The following CHN2 variants were observed in gnomAD, a reference collection of about 807,000 sequenced individuals.
CHN2 encodes beta-chimaerin.
CHN2 carries 35 observed loss-of-function variants against 56.3 expected under a neutral mutation model. The observed-to-expected ratio is 0.62, with a 90% CI of 0.47 to 0.82. The LOEUF (loss-of-function observed/expected upper bound fraction) is 0.82, where lower values mean the gene tolerates loss of function less well. CHN2 is among the 40% of genes least tolerant of loss of function. CHN2 has a pLI of 0.00. For synonymous variants in CHN2, 210 were observed against 212.8 expected (o/e 0.99, Z 0.12); for missense variants, 491 against 580.5 (o/e 0.85, Z 1.58).
At chr7:29,237,395 C>T (rs924831041) in intron 1 of CHN2, among the ~76,000 whole-genome samples, 3 of 152,106 alleles carry the variant, frequency 2.0e-5, no homozygotes, top group East Asian at 3.9e-4. Context: ...TGCTTCAAAC[C>T]GCATATTTTT....
chr7:29,508,434 A>G (rs1395073012), intron 11 of CHN2, among the ~76,000 whole-genome samples: 6 of 143,840 alleles, frequency 4.2e-5, no homozygotes, highest in Non-Finnish European at 9.2e-5. Context: ...AAAAAAAAAA[A>G]CCTTTAAAGG....
chr7:29,433,159 G>C (rs1163743777), intron 6 of CHN2, among the ~76,000 whole-genome samples: 1 of 152,124 alleles, frequency 6.6e-6, no homozygotes, highest in Non-Finnish European at 1.5e-5. Flanking sequence ...TACATGCCGT[G>C]GGGGGAGATT....
chr7:29,357,448 C>T (rs1489324353), intron 2 of CHN2, among the ~76,000 whole-genome samples: 1 of 152,218 alleles, frequency 6.6e-6, no homozygotes, highest in Non-Finnish European at 1.5e-5. Flanking sequence ...TATGAATTAT[C>T]GAGCTCATGC....
At chr7:29,485,794 C>T (rs537654976) in intron 7 of CHN2, among the ~76,000 whole-genome samples, 1 of 152,194 alleles carries the variant, frequency 6.6e-6, no homozygotes, top group East Asian at 1.9e-4. Flanking sequence ...CTGGAGCCAT[C>T]AGAGTCTCCT....
intron 4 of CHN2, among the ~76,000 whole-genome samples, chr7:29,394,955 C>A (rs1359615009): frequency 6.6e-6 from 1 of 152,130 alleles, no homozygotes. Flanking sequence ...AAAGGAACAT[C>A]TTTTATTAGA....
intron 1 of CHN2, among the ~76,000 whole-genome samples, chr7:29,352,859 A>C (rs1482164907): frequency 6.6e-6 from 1 of 152,214 alleles, no homozygotes; most frequent in African/African-American, 2.4e-5. Context: ...ATTTTATTTG[A>C]ATGCTCTTTA....
intron 1 of CHN2, among the ~76,000 whole-genome samples, chr7:29,195,938 C>G (rs1446415297): frequency 6.6e-6 from 1 of 152,092 alleles, no homozygotes; most frequent in Non-Finnish European, 1.5e-5. Flanking sequence ...TCATTGAAAA[C>G]TTTAATGACA....
chr7:29,417,757 A>G (rs1010775192), intron 6 of CHN2, among the ~76,000 whole-genome samples: 1 of 152,214 alleles, frequency 6.6e-6, no homozygotes, highest in African/African-American at 2.4e-5. Context: ...AGGAGTGGAT[A>G]CTAAGCTTGC....
At chr7:29,454,519 C>T (rs2128132994) in intron 6 of CHN2, among the ~76,000 whole-genome samples, 1 of 152,226 alleles carries the variant, frequency 6.6e-6, no homozygotes, top group East Asian at 1.9e-4. Context: ...TCATGAGTGT[C>T]CCAGTGAGGA....
At chr7:29,325,028 C>G (rs1464563251) in intron 1 of CHN2, among the ~76,000 whole-genome samples, 1 of 152,176 alleles carries the variant, frequency 6.6e-6, no homozygotes, top group African/African-American at 2.4e-5. Context: ...TTTCTCTGGT[C>G]TCTCAGGTTT....
At chr7:29,371,452 A>G (rs553839972) in intron 3 of CHN2, among the ~76,000 whole-genome samples, 53 of 152,154 alleles carry the variant, frequency 3.5e-4, no homozygotes, top group Middle Eastern at 3.4e-3. Context: ...CTTCCTGAAC[A>G]CTCCATGCCG....
intron 1 of CHN2, among the ~76,000 whole-genome samples, chr7:29,353,637 AAAAG>A (rs1018777290): frequency 2.6e-5 from 4 of 152,282 alleles, no homozygotes; most frequent in South Asian, 2.1e-4. Context: ...GTCTCAAAAA[AAAAG>A]AAAGAAAGAA....
chr7:29,217,289 A>G (rs1207875256), intron 1 of CHN2, among the ~76,000 whole-genome samples: 1 of 152,216 alleles, frequency 6.6e-6, no homozygotes, highest in Admixed American at 6.5e-5. Flanking sequence ...TTGCTTCAAC[A>G]CAGTAATTAT....
chr7:29,376,848 T>G (rs936225011), intron 3 of CHN2, among the ~76,000 whole-genome samples: 1 of 152,188 alleles, frequency 6.6e-6, no homozygotes, highest in Non-Finnish European at 1.5e-5. Context: ...TTTCCTGTAC[T>G]CTTTTATGTT....
At chr7:29,189,825 C>G (rs529386948), upstream of CHN2, among the ~76,000 whole-genome samples, 36 of 152,298 alleles carry the variant, frequency 2.4e-4, no homozygotes, top group South Asian at 7.0e-3. Context: ...GGCAATACCC[C>G]CAAGCCCCCC....
chr7:29,472,837 G>A (rs1312473534), intron 6 of CHN2, among the ~76,000 whole-genome samples: 1 of 152,224 alleles, frequency 6.6e-6, no homozygotes, highest in Non-Finnish European at 1.5e-5. Context: ...GGAACAGAGA[G>A]GAGGAATGAG....
intron 1 of CHN2, among the ~76,000 whole-genome samples, chr7:29,311,911 A>T (rs528814555): frequency 6.6e-6 from 1 of 152,354 alleles, no homozygotes; most frequent in Non-Finnish European, 1.5e-5. Flanking sequence ...GAGGGGGGTG[A>T]CTTAGATTCT....
At chr7:29,480,126 CTG>C in intron 6 of CHN2, 151 bp from the exon 7 acceptor site, 1 of 1,555,892 alleles carries the variant, frequency 6.4e-7, no homozygotes, top group Non-Finnish European at 8.7e-7. Context: ...CTCTGAAGAA[CTG>C]TGGCTGGAAA....
rs148640864 is a variant in CHN2, at chr7:29,302,216, C to T, written c.50-52409C>T. Among the ~76,000 whole-genome samples, 508 of 152,282 alleles carry T rather than the reference C, an allele frequency of 3.3e-3. 3 individuals are homozygous for T. The highest frequency in any genetic ancestry group is 5.4e-3 in the Non-Finnish European group (366 of 68,026). The stretch of plus-strand genomic sequence containing the variant: ...ACATAAATGTTATCATTTTAGCTGC[C>T]GCCACCGCTGCTGCTGCAGCTACTT... On this transcript the variant is annotated intron_variant, in intron 1 of 12. Coordinates refer to ENST00000222792, the MANE Select transcript of CHN2 (RefSeq NM_004067.4).
Sources: gnomAD v4.1 joint callset for allele counts (sites outside exome capture counted in the v4.1 genomes callset) on GRCh38, gnomAD v4.1.1 for gene constraint, MANE v1.5 for transcripts, NCBI Gene and HGNC (gene_info 2026-07-23, HGNC 2026-07-21) for gene names.